The following ZNF791 variants were observed in gnomAD, a reference collection of about 807,000 sequenced individuals.
The protein encoded by ZNF791 is zinc finger protein 791.
In ZNF791, 4 loss-of-function variants were observed where a neutral mutation model predicts 11.5. That is an observed-to-expected ratio of 0.35 (90% CI 0.17 to 0.80). The LOEUF (loss-of-function observed/expected upper bound fraction) is 0.80. Ranked by LOEUF, ZNF791 falls within the 30% of genes least tolerant of loss-of-function variation. The probability of loss-of-function intolerance (pLI) is 0.53; values close to 1 mark genes in which losing one functional copy is unlikely to be tolerated. For synonymous variants in ZNF791, 212 were observed against 228.1 expected (o/e 0.93, Z 0.64); for missense variants, 559 against 699.4 (o/e 0.80, Z 2.26).
intron 3 of ZNF791, among the ~76,000 whole-genome samples, chr19:12,626,120 G>T (rs1157239281): frequency 1.3e-5 from 2 of 152,172 alleles, no homozygotes. Flanking sequence ...TGGTTCAAGG[G>T]ATTCTTCTGC....
Position 12,620,516 on chromosome 19 carries a change from T to A in ZNF791, c.4-3184T>A, listed in dbSNP as rs564906886. On this transcript the variant is annotated intron_variant, in intron 1 of 3. Transcript: ENST00000343325. ...TATTAAATGTAAATGTAAATAAACC[T>A]TACAGAGAGCACCCAGGCATGCAGA... 9.7e-4 allele frequency among the ~76,000 whole-genome samples: 147 copies of A among 152,174 alleles called. 1 individual carries two copies. Among genetic ancestry groups the A allele is most frequent in the African/African-American group, 3.5e-3 (145 of 41,538 alleles).
intron 1 of ZNF791, among the ~76,000 whole-genome samples, chr19:12,622,385 AATAAT>A (rs1355495165): frequency 7.6e-6 from 1 of 132,158 alleles, no homozygotes; most frequent in Non-Finnish European, 1.6e-5. Flanking sequence ...AAATAAAAAA[AATAAT>A]AAAAAAAAGA....
chr19:12,613,386 C>G (rs1427350766), intron 1 of ZNF791, among the ~76,000 whole-genome samples: 8 of 151,900 alleles, frequency 5.3e-5, no homozygotes, highest in Non-Finnish European at 1.2e-4. Context: ...TCGAGACCAT[C>G]CTGGCTAACA....
rs1260323701 is a variant in ZNF791 at position 12,630,250 on chromosome 19, GA to G, written c.*991del. Reference sequence around the variant, plus strand: ...AGGTGGGAGAATCAGTTGAGGTCAGGAGTTCAAGACCAGCCTGGTCAACATG... The same window carrying G: ...AGGTGGGAGAATCAGTTGAGGTCAGGGTTCAAGACCAGCCTGGTCAACATG... On this transcript the variant is annotated 3_prime_UTR_variant, in exon 4 of 4. Coordinates refer to ENST00000343325, the MANE Select transcript of ZNF791 (RefSeq NM_153358.3). The G allele has an allele frequency of 1.3e-5, 2 of 152,104 alleles. No individual in the cohort carries two copies. The highest frequency in any genetic ancestry group is 4.8e-5 in the African/African-American group (2 of 41,388). 9.4% of individuals were successfully genotyped at this position (152,104 alleles called of 1,614,324 possible).
chr19:12,630,219 A>T lies in ZNF791; in HGVS notation c.*959A>T, dbSNP rs1568291761. 1 of 151,434 alleles carries T rather than the reference A, an allele frequency of 6.6e-6. No individual in the cohort carries two copies. Among genetic ancestry groups the T allele is most frequent in the African/African-American group, 2.4e-5 (1 of 41,156 alleles). The allele number at this position is 151,434 out of a possible 1,614,324, so 9.4% of individuals were successfully genotyped here. A position where few individuals can be genotyped will look rare whatever the true frequency, so the allele number is the denominator to read the frequency against. ...ATACCTGTAATCCCAGCACTTTGGG[A>T]GGCTGAGGTGGGAGAATCAGTTGAG... On this transcript the variant is annotated 3_prime_UTR_variant, in exon 4 of 4. Coordinates refer to ENST00000343325, the MANE Select transcript of ZNF791 (RefSeq NM_153358.3).
chr19:12,610,973 G>A lies in ZNF791; in HGVS notation c.-107G>A, dbSNP rs1048892312. The stretch of plus-strand genomic sequence containing the variant: ...GGTTGTGCTTAGCTTGGGGTCTCCT[G>A]GCCCCTTGACGCGTCAGGTTGCTGT... On this transcript the variant is annotated 5_prime_UTR_variant, in exon 1 of 4. Transcript: ENST00000343325. 4.7e-6 allele frequency: 7 copies of A among 1,478,112 alleles called. No individual in the cohort carries two copies. In the African/African-American group the frequency reaches 5.5e-5, roughly 12 times the overall value. The allele number at this position is 1,478,112 out of a possible 1,614,324, so 91.6% of individuals were successfully genotyped here.
intron 1 of ZNF791, among the ~76,000 whole-genome samples, chr19:12,614,898 T>TTTTTTTC: frequency 9.2e-6 from 1 of 109,228 alleles, no homozygotes. Context: ...CGGCCTTTTT[T>TTTTTTTC]TTTTTTTTTT....
intron 1 of ZNF791, among the ~76,000 whole-genome samples, chr19:12,619,154 T>C (rs2023293835): frequency 1.3e-5 from 2 of 151,968 alleles, no homozygotes; most frequent in African/African-American, 2.4e-5. Flanking sequence ...CACCTCTCAG[T>C]ATATTTCTCA....
intron 1 of ZNF791, 112 bp downstream of exon 1, chr19:12,611,194 G>A: frequency 1.4e-6 from 2 of 1,446,300 alleles, no homozygotes; most frequent in South Asian, 1.2e-5. Context: ...GGAACTCCAA[G>A]CGTCCTGTCC....
Position 12,623,730 on chromosome 19 carries a change from A to G in ZNF791, c.34A>G (p.Ser12Gly), listed in dbSNP as rs2023385586. ...DSVAFEDVSVSFSQEEWALLA... is the reference protein window; with the variant it reads ...DSVAFEDVSVGFSQEEWALLA... ...AGTGGCTTTTGAGGATGTGTCTGTG[A>G]GCTTCAGCCAGGAGGAGTGGGCTCT... Residue 12 changes from serine (S) to glycine (G), a missense_variant, in exon 2 of 4, where the codon AGC becomes GGC. Ser to Gly is a moderately conservative substitution (Grantham distance 56, BLOSUM62 0). Transcript: ENST00000343325. The G allele has an allele frequency of 6.2e-7, 1 of 1,613,868 alleles. No homozygotes were observed. The highest frequency in any genetic ancestry group is 1.3e-5 in the African/African-American group (1 of 74,870).
intron 1 of ZNF791, among the ~76,000 whole-genome samples, chr19:12,612,983 G>A (rs975548173): frequency 6.6e-6 from 1 of 151,750 alleles, no homozygotes; most frequent in Non-Finnish European, 1.5e-5. Context: ...GTTTCCTTGG[G>A]TGTGTTTTTA....
At chr19:12,618,486 G>C (rs968237489) in intron 1 of ZNF791, among the ~76,000 whole-genome samples, 95 of 152,044 alleles carry the variant, frequency 6.2e-4, no homozygotes, top group African/African-American at 2.2e-3. Context: ...ACTCTAGCCT[G>C]GGCAACAATG....
intron 1 of ZNF791, among the ~76,000 whole-genome samples, chr19:12,613,308 A>G (rs934488130): frequency 4.0e-4 from 60 of 151,620 alleles, no homozygotes; most frequent in South Asian, 1.1e-3. Context: ...AGGGCCCGGC[A>G]CGGTGGCTCA....
At chr19:12,621,837 C>G (rs1725603628) in intron 1 of ZNF791, among the ~76,000 whole-genome samples, 1 of 138,262 alleles carries the variant, frequency 7.2e-6, no homozygotes, top group Non-Finnish European at 1.6e-5. Flanking sequence ...GCCCGGCCAC[C>G]ACCCCGTCTG....
chr19:12,630,525 A>G lies in ZNF791; in HGVS notation c.*1265A>G, dbSNP rs377228199. On this transcript the variant is annotated 3_prime_UTR_variant, in exon 4 of 4. Coordinates refer to ENST00000343325, the MANE Select transcript of ZNF791 (RefSeq NM_153358.3). ...ATAAATGGCTAAGTTACTGGTTTAT[A>G]TATTTACAATCCTGTTTTAGAATGT... 9.2e-5 allele frequency: 14 copies of G among 152,312 alleles called. No homozygotes were observed. In the South Asian group the frequency reaches 1.7e-3, roughly 18 times the overall value. The allele number at this position is 152,312 out of a possible 1,614,324, so 9.4% of individuals were successfully genotyped here.
At chr19:12,625,129 A>T (rs947544035) in intron 3 of ZNF791, among the ~76,000 whole-genome samples, 3 of 151,090 alleles carry the variant, frequency 2.0e-5, no homozygotes, top group African/African-American at 4.9e-5. Flanking sequence ...TGTTTTATTT[A>T]TTTTTTCTTG....
intron 1 of ZNF791, among the ~76,000 whole-genome samples, chr19:12,613,250 G>T (rs969934472): frequency 6.6e-6 from 1 of 151,384 alleles, no homozygotes; most frequent in East Asian, 2.0e-4. Flanking sequence ...GTGAGCCATC[G>T]TGCCAGGCCT....
At chr19:12,615,571 G>A (rs893145476) in intron 1 of ZNF791, among the ~76,000 whole-genome samples, 19 of 152,090 alleles carry the variant, frequency 1.2e-4, no homozygotes, top group Non-Finnish European at 7.4e-5. Context: ...ACAAGGTCAG[G>A]AGTTTGAGAC....
intron 1 of ZNF791, among the ~76,000 whole-genome samples, chr19:12,616,347 A>G (rs1203374452): frequency 6.6e-6 from 1 of 151,972 alleles, no homozygotes; most frequent in Non-Finnish European, 1.5e-5. Context: ...CATCCCAGCT[A>G]CTCCAGAGGC....
Sources: gnomAD v4.1 joint callset for allele counts (sites outside exome capture counted in the v4.1 genomes callset) on GRCh38, gnomAD v4.1.1 for gene constraint, MANE v1.5 for transcripts, NCBI Gene and HGNC (gene_info 2026-07-23, HGNC 2026-07-21) for gene names.